Variants in C12orf42 observed in about 807,000 individuals in gnomAD.
The protein encoded by C12orf42 is chromosome 12 open reading frame 42.
Under a neutral mutation model 21.6 loss-of-function variants are expected in C12orf42, and 25 were observed. That is an observed-to-expected ratio of 1.16 (90% CI 0.84 to 1.62). The LOEUF is 1.62. Among genes scored for constraint, C12orf42 ranks in the 40% most tolerant of loss-of-function variants. The pLI, the probability that C12orf42 is intolerant of heterozygous loss-of-function variation, is 0.00. For synonymous variants in C12orf42, 174 were observed against 175.0 expected, an observed-to-expected ratio of 0.99 and a Z score of 0.05; for missense variants, 483 against 459.3, an observed-to-expected ratio of 1.05 and a Z score of -0.47.
At chr12:103,285,892 T>A (rs2036420362) in intron 4 of C12orf42, among the ~76,000 whole-genome samples, 1 of 152,170 alleles carries the variant, frequency 6.6e-6, no homozygotes, top group Non-Finnish European at 1.5e-5. Context: ...TGCTGAATCT[T>A]CAGTACTTAA....
chr12:103,176,790 C>T, the C12orf42 span, among the ~76,000 whole-genome samples: 1 of 152,166 alleles, frequency 6.6e-6, no homozygotes, highest in Non-Finnish European at 1.5e-5. Flanking sequence ...ATAGGAAAAT[C>T]ATATGGGACT....
chr12:103,485,958 C>G (rs1278723958), intron 1 of C12orf42, among the ~76,000 whole-genome samples: 2 of 152,126 alleles, frequency 1.3e-5, no homozygotes, highest in Admixed American at 6.5e-5. Context: ...ATTGCATACC[C>G]TTTATTTCTT....
chr12:103,127,766 T>C, the C12orf42 span, among the ~76,000 whole-genome samples: 2 of 152,214 alleles, frequency 1.3e-5, no homozygotes, highest in Non-Finnish European at 2.9e-5. Flanking sequence ...ATATTAATAA[T>C]GCTGAAGTTA....
the C12orf42 span, among the ~76,000 whole-genome samples, chr12:103,114,447 A>T: frequency 6.6e-6 from 1 of 152,128 alleles, no homozygotes; most frequent in Admixed American, 6.5e-5. Flanking sequence ...TTTGTGAGAA[A>T]TGCAAGTTCT....
intron 3 of C12orf42, among the ~76,000 whole-genome samples, chr12:103,386,073 C>A (rs767897878): frequency 6.6e-6 from 1 of 152,156 alleles, no homozygotes; most frequent in African/African-American, 2.4e-5. Flanking sequence ...CCACAACAAC[C>A]GTATTAGGTT....
chr12:103,193,699 G>T, the C12orf42 span, among the ~76,000 whole-genome samples: 3 of 151,992 alleles, frequency 2.0e-5, no homozygotes, highest in African/African-American at 7.2e-5. Context: ...ATCAGTAATC[G>T]AAAACCTTCC....
chr12:103,337,837 C>T (rs1009206211), intron 4 of C12orf42, among the ~76,000 whole-genome samples: 1 of 152,216 alleles, frequency 6.6e-6, no homozygotes, highest in African/African-American at 2.4e-5. Flanking sequence ...CTTCACAACT[C>T]TCTACTCTCT....
the C12orf42 span, among the ~76,000 whole-genome samples, chr12:103,124,596 C>T: frequency 2.0e-5 from 3 of 151,992 alleles, no homozygotes; most frequent in Non-Finnish European, 4.4e-5. Context: ...GATGGATCTG[C>T]GGTGGTAGCA....
the C12orf42 span, among the ~76,000 whole-genome samples, chr12:103,190,890 A>C: frequency 0.011 from 1,639 of 151,858 alleles, 26 homozygotes; most frequent in African/African-American, 0.037. Flanking sequence ...GAAGAAAATA[A>C]ACATCCAAAT....
At chr12:103,429,489 A>G (rs965489396) in intron 2 of C12orf42, among the ~76,000 whole-genome samples, 1 of 152,252 alleles carries the variant, frequency 6.6e-6, no homozygotes, top group African/African-American at 2.4e-5. Flanking sequence ...CAAATGGAAA[A>G]ACAGTCCATG....
chr12:103,184,998 A>AT, the C12orf42 span, among the ~76,000 whole-genome samples: 1 of 152,040 alleles, frequency 6.6e-6, no homozygotes, highest in Non-Finnish European at 1.5e-5. Context: ...TTGATCTTAG[A>AT]TTTTCACCTT....
the C12orf42 span, among the ~76,000 whole-genome samples, chr12:103,132,606 C>A: frequency 6.6e-6 from 1 of 152,234 alleles, no homozygotes; most frequent in African/African-American, 2.4e-5. Context: ...TCTAAGGCTA[C>A]AACAGCACCT....
the C12orf42 span, among the ~76,000 whole-genome samples, chr12:103,082,051 G>C: frequency 6.6e-6 from 1 of 152,138 alleles, no homozygotes; most frequent in African/African-American, 2.4e-5. Flanking sequence ...GTGAGAACAG[G>C]TTGCCAGGAA....
At chr12:103,203,448 G>T in the C12orf42 span, among the ~76,000 whole-genome samples, 1 of 152,024 alleles carries the variant, frequency 6.6e-6, no homozygotes, top group Non-Finnish European at 1.5e-5. Flanking sequence ...AAGCCAAGTG[G>T]GTTAACCTAT....
chr12:103,071,960 C>T, the C12orf42 span, among the ~76,000 whole-genome samples: 1 of 152,160 alleles, frequency 6.6e-6, no homozygotes, highest in South Asian at 2.1e-4. Flanking sequence ...TCCCTTGTTT[C>T]TTGGGTCCAA....
intron 2 of C12orf42, among the ~76,000 whole-genome samples, chr12:103,423,714 A>G (rs1949560101): frequency 6.6e-6 from 1 of 152,178 alleles, no homozygotes; most frequent in Non-Finnish European, 1.5e-5. Flanking sequence ...GACAGACTTG[A>G]CAGATATTTA....
chr12:103,494,017 T>C (rs1320343), intron 1 of C12orf42, among the ~76,000 whole-genome samples: 96,217 of 151,996 alleles, frequency 0.63, 30,913 homozygotes, highest in Admixed American at 0.73. Context: ...TTAGAAGTAT[T>C]TGAAAAAGTC....
intron 2 of C12orf42, among the ~76,000 whole-genome samples, chr12:103,425,593 G>T (rs1949738035): frequency 6.6e-6 from 1 of 152,168 alleles, no homozygotes; most frequent in African/African-American, 2.4e-5. Context: ...GCAGCAGAGG[G>T]GCCTGACTGT....
intron 2 of C12orf42, among the ~76,000 whole-genome samples, chr12:103,428,940 A>C (rs941790257): frequency 6.6e-6 from 1 of 152,212 alleles, no homozygotes; most frequent in Non-Finnish European, 1.5e-5. Flanking sequence ...AAAAACTGTC[A>C]ATAAACTAGG....
Sources: gnomAD v4.1 joint callset for allele counts (sites outside exome capture counted in the v4.1 genomes callset) on GRCh38, gnomAD v4.1.1 for gene constraint, MANE v1.5 for transcripts, NCBI Gene and HGNC (gene_info 2026-07-23, HGNC 2026-07-21) for gene names.